The following PPARGC1A variants were observed in gnomAD, a reference collection of about 807,000 sequenced individuals.
PPARGC1A encodes the protein PPARG coactivator 1 alpha, also known as peroxisome proliferator-activated receptor gamma coactivator 1-alpha.
In PPARGC1A, 25 loss-of-function variants were observed where a neutral mutation model predicts 88.7. The observed-to-expected ratio is 0.28, with a 90% CI of 0.21 to 0.39. The LOEUF is 0.39. PPARGC1A is among the 10% of genes least tolerant of loss of function. The pLI, the probability that PPARGC1A is intolerant of heterozygous loss-of-function variation, is 1.00. For synonymous variants in PPARGC1A, 363 were observed against 355.6 expected, an observed-to-expected ratio of 1.02 and a Z score of -0.24; for missense variants, 880 against 968.7, an observed-to-expected ratio of 0.91 and a Z score of 1.22.
At chr4:24,423,551 TG>T in the PPARGC1A span, among the ~76,000 whole-genome samples, 1,982 of 134,604 alleles carry the variant, frequency 0.015, 34 homozygotes, top group African/African-American at 0.042. Context: ...GTTGGGGGGC[TG>T]GGGGGGTGTC....
chr4:23,945,857 T>C, the PPARGC1A span, among the ~76,000 whole-genome samples: 4 of 152,302 alleles, frequency 2.6e-5, no homozygotes, highest in East Asian at 7.7e-4. Flanking sequence ...AAGCCTAACC[T>C]GATTTCTGAG....
At chr4:24,379,997 C>T in the PPARGC1A span, among the ~76,000 whole-genome samples, 2 of 152,018 alleles carry the variant, frequency 1.3e-5, no homozygotes, top group Admixed American at 1.3e-4. Flanking sequence ...AGGCTGGTCT[C>T]GAACTCCTGA....
the PPARGC1A span, among the ~76,000 whole-genome samples, chr4:24,302,975 T>C: frequency 5.3e-5 from 8 of 152,096 alleles, no homozygotes; most frequent in Non-Finnish European, 1.2e-4. Context: ...GATCTCTCAG[T>C]CAAGACCAGA....
the PPARGC1A span, among the ~76,000 whole-genome samples, chr4:24,459,409 A>G: frequency 6.6e-6 from 1 of 151,288 alleles, no homozygotes; most frequent in Non-Finnish European, 1.5e-5. Flanking sequence ...GTTAGTGCCT[A>G]TTTCATTCCC....
At chr4:24,463,344 G>A in the PPARGC1A span, among the ~76,000 whole-genome samples, 2,545 of 152,204 alleles carry the variant, frequency 0.017, 43 homozygotes, top group Non-Finnish European at 0.021. Flanking sequence ...TACTGCTTCT[G>A]GATTTGTTAA....
the PPARGC1A span, among the ~76,000 whole-genome samples, chr4:24,357,844 C>A: frequency 2.6e-5 from 4 of 152,288 alleles, no homozygotes; most frequent in Admixed American, 1.3e-4. Flanking sequence ...CTTTTGTCTT[C>A]CACCATGACT....
chr4:24,325,200 A>C, the PPARGC1A span, among the ~76,000 whole-genome samples: 1 of 152,106 alleles, frequency 6.6e-6, no homozygotes, highest in Non-Finnish European at 1.5e-5. Context: ...ACAGCCCTAG[A>C]CCCTAAAAGG....
the PPARGC1A span, among the ~76,000 whole-genome samples, chr4:24,427,680 G>GTGATTTTGGCTC: frequency 1.3e-5 from 2 of 152,166 alleles, no homozygotes; most frequent in African/African-American, 4.8e-5. Context: ...TCAAGGGGCT[G>GTGATTTTGGCTC]TGATTTTTGT....
At chr4:23,971,994 C>A in the PPARGC1A span, among the ~76,000 whole-genome samples, 2 of 152,024 alleles carry the variant, frequency 1.3e-5, no homozygotes, top group Admixed American at 6.6e-5. Context: ...ACATAATCTA[C>A]CGTCAGGACC....
the PPARGC1A span, among the ~76,000 whole-genome samples, chr4:23,975,170 T>C: frequency 6.6e-6 from 1 of 152,170 alleles, no homozygotes. Flanking sequence ...AATGGGGGAA[T>C]TGAAATCTAT....
At chr4:24,355,623 T>C in the PPARGC1A span, among the ~76,000 whole-genome samples, 12 of 152,220 alleles carry the variant, frequency 7.9e-5, 1 homozygote, top group African/African-American at 2.6e-4. Flanking sequence ...AGACACTTCA[T>C]TGTTGTTATT....
At chr4:24,169,501 G>A in the PPARGC1A span, among the ~76,000 whole-genome samples, 2 of 152,070 alleles carry the variant, frequency 1.3e-5, no homozygotes, top group African/African-American at 2.4e-5. Flanking sequence ...GGGCAGGTGG[G>A]AACTCTATGC....
At chr4:24,189,461 A>G in the PPARGC1A span, among the ~76,000 whole-genome samples, 1 of 152,098 alleles carries the variant, frequency 6.6e-6, no homozygotes, top group South Asian at 2.1e-4. Flanking sequence ...GAAAGCTGTA[A>G]GTGCTGTAGC....
At chr4:24,192,804 T>C in the PPARGC1A span, among the ~76,000 whole-genome samples, 1 of 152,158 alleles carries the variant, frequency 6.6e-6, no homozygotes, top group Non-Finnish European at 1.5e-5. Context: ...CATAATGAAA[T>C]AATTATAGCT....
chr4:24,063,689 G>A, the PPARGC1A span, among the ~76,000 whole-genome samples: 1 of 152,212 alleles, frequency 6.6e-6, no homozygotes, highest in South Asian at 2.1e-4. Context: ...GAGGAGAGAA[G>A]GGGCACTGGG....
the PPARGC1A span, among the ~76,000 whole-genome samples, chr4:24,038,051 C>T: frequency 6.6e-6 from 1 of 152,176 alleles, no homozygotes; most frequent in African/African-American, 2.4e-5. Context: ...CACCATGGCA[C>T]ACAGTTCAGC....
At chr4:24,456,234 A>G in the PPARGC1A span, among the ~76,000 whole-genome samples, 4 of 152,218 alleles carry the variant, frequency 2.6e-5, no homozygotes, top group Non-Finnish European at 2.9e-5. Flanking sequence ...GATGCATTGA[A>G]GTCCTGGAGA....
In PPARGC1A at chr4:23,889,995, C is replaced by T; in HGVS notation, c.-38G>A. On this transcript the variant is annotated 5_prime_UTR_variant, in exon 1 of 13. Coordinates refer to ENST00000264867, the MANE Select transcript of PPARGC1A (RefSeq NM_013261.5). Reference sequence around the variant, plus strand: ...TGACGCCAGTCAAGCTTTTTCAACTCCAATCCACAGTGACACAGAGCACAC... The same window carrying T: ...TGACGCCAGTCAAGCTTTTTCAACTTCAATCCACAGTGACACAGAGCACAC... 1 of 1,612,858 alleles carries T rather than the reference C, an allele frequency of 6.2e-7. No individual in the cohort carries two copies. The highest frequency in any genetic ancestry group is 2.2e-5 in the East Asian group (1 of 44,866).
chr4:24,294,322 T>C, the PPARGC1A span, among the ~76,000 whole-genome samples: 2 of 152,214 alleles, frequency 1.3e-5, no homozygotes, highest in Non-Finnish European at 2.9e-5. Flanking sequence ...AATGTTTCGA[T>C]GTCCATTAAT....
Sources: gnomAD v4.1 joint callset for allele counts (sites outside exome capture counted in the v4.1 genomes callset) on GRCh38, gnomAD v4.1.1 for gene constraint, MANE v1.5 for transcripts, NCBI Gene and HGNC (gene_info 2026-07-23, HGNC 2026-07-21) for gene names.